Variants in CERK observed in about 807,000 individuals in gnomAD.
The protein encoded by CERK is acylsphingosine kinase.
CERK carries 39 observed loss-of-function variants against 63.4 expected under a neutral mutation model. That is an observed-to-expected ratio of 0.61 (90% confidence interval 0.48 to 0.80). The LOEUF is 0.80. Ranked by LOEUF, CERK falls within the 30% of genes least tolerant of loss-of-function variation. The pLI, the probability that CERK is intolerant of heterozygous loss-of-function variation, is 0.00. For missense variants in CERK, 670 were observed against 714.1 expected (o/e 0.94, Z 0.70); for synonymous variants, 302 against 280.0 (o/e 1.08, Z -0.78).
chr22:46,722,168 A>G (rs553077630), intron 1 of CERK, among the ~76,000 whole-genome samples: 26 of 152,382 alleles, frequency 1.7e-4, no homozygotes, highest in African/African-American at 6.0e-4. Flanking sequence ...AAAACCTGCA[A>G]TATAGCTAAA....
intron 3 of CERK, 35 bp downstream of exon 3, chr22:46,720,051 G>A (rs771249906): frequency 1.6e-5 from 26 of 1,604,358 alleles, no homozygotes; most frequent in African/African-American, 2.7e-5. Flanking sequence ...ATGCCACCAC[G>A]GCCATCCTGT....
intron 11 of CERK, among the ~76,000 whole-genome samples, chr22:46,691,200 G>A (rs1392619427): frequency 2.6e-5 from 4 of 152,008 alleles, no homozygotes; most frequent in South Asian, 2.1e-4. Flanking sequence ...TCAGCCTCCC[G>A]AGTAGCTGGG....
At chr22:46,712,404 C>T (rs370906172) in intron 3 of CERK, 111 bp from the exon 4 acceptor site, 6 of 881,758 alleles carry the variant, frequency 6.8e-6, no homozygotes, top group South Asian at 5.0e-5. Context: ...CTTAGTATTA[C>T]CTGATGGAAA....
At chr22:46,690,860 T>TA (rs952272888) in intron 11 of CERK, among the ~76,000 whole-genome samples, 1 of 152,184 alleles carries the variant, frequency 6.6e-6, no homozygotes, top group Non-Finnish European at 1.5e-5. Flanking sequence ...GTTCTGTTTT[T>TA]AAATAGGAAG....
At chr22:46,717,308 G>A (rs560732535) in intron 3 of CERK, among the ~76,000 whole-genome samples, 15 of 152,318 alleles carry the variant, frequency 9.8e-5, no homozygotes, top group African/African-American at 3.4e-4. Context: ...GCAGACGGGT[G>A]CAAAAGACAT....
intron 1 of CERK, among the ~76,000 whole-genome samples, chr22:46,736,600 T>C (rs1247372307): frequency 6.6e-6 from 1 of 152,222 alleles, no homozygotes; most frequent in Admixed American, 6.5e-5. Context: ...CTGTTCTCCT[T>C]GTGTGTGGGC....
intron 12 of CERK, among the ~76,000 whole-genome samples, chr22:46,688,802 A>C (rs913103744): frequency 3.3e-5 from 5 of 152,232 alleles, no homozygotes; most frequent in Non-Finnish European, 5.9e-5. Context: ...AACGAGCGTC[A>C]AGCTGGGCTT....
chr22:46,693,633 A>T (rs778589418), intron 9 of CERK, 130 bp from the exon 10 acceptor site: 90 of 711,890 alleles, frequency 1.3e-4, no homozygotes, highest in Non-Finnish European at 1.4e-4. Flanking sequence ...TTAACAAAAT[A>T]TTTTTTGGCA....
chr22:46,706,294 G>T (rs532548498), intron 6 of CERK, among the ~76,000 whole-genome samples: 2 of 152,100 alleles, frequency 1.3e-5, no homozygotes. Context: ...GTCTGCTCCC[G>T]GCCAGCTCTT....
intron 10 of CERK, 47 bp downstream of exon 10, chr22:46,693,380 C>T (rs1351979292): frequency 6.5e-7 from 1 of 1,536,124 alleles, no homozygotes; most frequent in East Asian, 2.2e-5. Flanking sequence ...GAAACCCGCA[C>T]TCCAGCACAC....
intron 8 of CERK, among the ~76,000 whole-genome samples, chr22:46,696,827 G>A (rs145638451): frequency 3.0e-4 from 45 of 152,200 alleles, no homozygotes; most frequent in African/African-American, 8.2e-4. Flanking sequence ...CTGTGGTGAT[G>A]GGCTGAGGGC....
chr22:46,719,837 C>T (rs1452340107), intron 3 of CERK, among the ~76,000 whole-genome samples: 1 of 152,248 alleles, frequency 6.6e-6, no homozygotes, highest in Non-Finnish European at 1.5e-5. Context: ...GGGTAAGTGA[C>T]CCGCCCCCAG....
At chr22:46,726,899 C>T (rs1005874519) in intron 1 of CERK, among the ~76,000 whole-genome samples, 1 of 152,186 alleles carries the variant, frequency 6.6e-6, no homozygotes, top group Non-Finnish European at 1.5e-5. Flanking sequence ...TATCCAGACG[C>T]GACTGCGTGT....
chr22:46,687,186 C>T lies in CERK; in HGVS notation c.1562G>A (p.Arg521Gln), dbSNP rs771237483. The stretch of plus-strand genomic sequence containing the variant: ...CTCTTCAATTCCTCGTGCAAAGAGT[C>T]GAACCAGCTGGCAGTGGACTCTGCA... The part of the protein sequence containing the change: ...IEVRVHCQLV[R>Q]LFARGIEENP... Residue 521 changes from arginine to glutamine, a missense_variant, in exon 13 of 13, where the codon CGA becomes CAA. Arg to Gln is a conservative substitution (Grantham distance 43). Coordinates refer to ENST00000216264, the MANE Select transcript of CERK (RefSeq NM_022766.6). 10 of 1,613,992 alleles carry T rather than the reference C, an allele frequency of 6.2e-6. No homozygotes were observed. In the East Asian group the frequency reaches 6.7e-5, roughly 11 times the overall value.
chr22:46,699,536 A>G, intron 7 of CERK, 71 bp from the exon 8 acceptor site: 1 of 1,443,168 alleles, frequency 6.9e-7, no homozygotes, highest in Non-Finnish European at 9.6e-7. Context: ...CATCCCCTTC[A>G]ATAGCACTTT....
At chr22:46,697,967 G>A (rs1039600975) in intron 8 of CERK, among the ~76,000 whole-genome samples, 3 of 152,168 alleles carry the variant, frequency 2.0e-5, no homozygotes, top group Admixed American at 2.0e-4. Context: ...GGTCACCGCC[G>A]CCTGGCCCGA....
chr22:46,711,243 T>TAA, intron 4 of CERK, 94 bp from the exon 5 acceptor site: 1 of 915,556 alleles, frequency 1.1e-6, no homozygotes. Flanking sequence ...TGAGTTCCTG[T>TAA]AACACCTTCA....
At chr22:46,717,222 G>A (rs146158184) in intron 3 of CERK, among the ~76,000 whole-genome samples, 79 of 152,324 alleles carry the variant, frequency 5.2e-4, no homozygotes, top group African/African-American at 1.8e-3. Context: ...GGCTGGCAGC[G>A]TCTTCTGAAG....
chr22:46,699,591 G>A (rs1429882233), intron 7 of CERK, 126 bp from the exon 8 acceptor site: 15 of 789,422 alleles, frequency 1.9e-5, no homozygotes, highest in Middle Eastern at 3.4e-4. Flanking sequence ...CAAACAGAAC[G>A]CATTCAGTGC....
Sources: allele counts gnomAD v4.1 joint callset (sites outside exome capture counted in the v4.1 genomes callset), GRCh38; gene constraint gnomAD v4.1.1; transcripts MANE v1.5; gene names NCBI Gene and HGNC (gene_info 2026-07-23, HGNC 2026-07-21).